The following SLC38A4 variants were observed in gnomAD, a reference collection of about 807,000 sequenced individuals.
The protein encoded by SLC38A4 is sodium-coupled neutral amino acid transporter 4.
SLC38A4 carries 20 observed loss-of-function variants against 63.1 expected under a neutral mutation model. That is an observed-to-expected ratio of 0.32 (90% CI 0.22 to 0.46). The LOEUF (loss-of-function observed/expected upper bound fraction) is 0.46, where lower values mean the gene tolerates loss of function less well. Ranked by LOEUF, SLC38A4 falls within the 20% of genes least tolerant of loss-of-function variation. The probability of loss-of-function intolerance (pLI) is 1.00; values close to 1 mark genes in which losing one functional copy is unlikely to be tolerated. For synonymous variants in SLC38A4, 230 were observed against 225.5 expected (o/e 1.02, Z -0.18); for missense variants, 526 against 663.6 (o/e 0.79, Z 2.28).
At chr12:46,818,624 C>G (rs1268783508) in intron 1 of SLC38A4, among the ~76,000 whole-genome samples, 1 of 151,908 alleles carries the variant, frequency 6.6e-6, no homozygotes, top group Non-Finnish European at 1.5e-5. Flanking sequence ...TATCCAATAT[C>G]AACTGTGGCC....
chr12:46,780,131 C>A (rs983623910), intron 7 of SLC38A4, 101 bp from the exon 8 acceptor site: 68 of 874,928 alleles, frequency 7.8e-5, no homozygotes, highest in Middle Eastern at 3.2e-4. Context: ...ATCTAATCCC[C>A]CAAATGGAAA....
chr12:46,804,818 G>C (rs1939199733), intron 1 of SLC38A4, among the ~76,000 whole-genome samples: 1 of 151,864 alleles, frequency 6.6e-6, no homozygotes, highest in Non-Finnish European at 1.5e-5. Context: ...GAGAAGTATT[G>C]TGGTCTAGGG....
At chr12:46,778,865 G>A in intron 10 of SLC38A4, 89 bp from the exon 11 acceptor site, 1 of 1,199,022 alleles carries the variant, frequency 8.3e-7, no homozygotes, top group Non-Finnish European at 1.2e-6. Flanking sequence ...TTATAGGGTG[G>A]GGGGTGAGGG....
chr12:46,779,877 C>A lies in SLC38A4; in HGVS notation c.576-15G>T, dbSNP rs761185479. 5.0e-6 allele frequency: 8 copies of A among 1,611,020 alleles called. No homozygotes were observed. The highest frequency in any genetic ancestry group is 5.9e-6 in the Non-Finnish European group (7 of 1,178,062). ...GGTACCATTCTCTAGAAGTGAGAGA[C>A]AAGGATATTAGAATCAGAAAAGACC... On this transcript the variant is annotated splice_polypyrimidine_tract_variant and intron_variant, in intron 8 of 16. Transcript: ENST00000266579.
chr12:46,776,804 C>T (rs1938534771), intron 13 of SLC38A4, 100 bp downstream of exon 13: 2 of 933,156 alleles, frequency 2.1e-6, no homozygotes, highest in East Asian at 2.4e-5. Flanking sequence ...ATCTATAGAG[C>T]ATGCTTATAG....
Position 46,769,201 on chromosome 12 carries a change from G to A in SLC38A4, c.1444+83C>T. Reference sequence around the variant, plus strand: ...GAGCCTGAGAAAGAACGGGGATCTGGATGACCCAGCACTGGTTCCCTGTCC... The same window carrying A: ...GAGCCTGAGAAAGAACGGGGATCTGAATGACCCAGCACTGGTTCCCTGTCC... On this transcript the variant is annotated intron_variant, in intron 15 of 16. Transcript: ENST00000266579. 5.5e-6 allele frequency: 8 copies of A among 1,465,770 alleles called. No individual in the cohort carries two copies. In the South Asian group the frequency reaches 8.5e-5, roughly 15 times the overall value. The allele number at this position is 1,465,770 out of a possible 1,614,324, so 90.8% of individuals were successfully genotyped here. A position where few individuals can be genotyped will look rare whatever the true frequency, so the allele number is the denominator to read the frequency against.
intron 6 of SLC38A4, 93 bp downstream of exon 6, chr12:46,785,011 G>T: frequency 1.9e-6 from 2 of 1,061,442 alleles, no homozygotes; most frequent in South Asian, 1.3e-5. Flanking sequence ...ATGTGAAACT[G>T]ACTATAATCA....
intron 13 of SLC38A4, among the ~76,000 whole-genome samples, chr12:46,776,536 A>G (rs917944073): frequency 1.1e-4 from 16 of 152,046 alleles, no homozygotes; most frequent in Non-Finnish European, 1.9e-4. Context: ...TTTGTGTGGC[A>G]GGTAATAATT....
At chr12:46,814,599 T>C (rs1437042131) in intron 1 of SLC38A4, among the ~76,000 whole-genome samples, 1 of 152,000 alleles carries the variant, frequency 6.6e-6, no homozygotes, top group Non-Finnish European at 1.5e-5. Context: ...TACCATTTGA[T>C]GTTGCTGAGC....
chr12:46,791,881 G>T (rs371930666), intron 3 of SLC38A4, among the ~76,000 whole-genome samples: 1 of 152,070 alleles, frequency 6.6e-6, no homozygotes, highest in African/African-American at 2.4e-5. Flanking sequence ...CACGGAGAAA[G>T]GGGGAGCAGG....
intron 14 of SLC38A4, among the ~76,000 whole-genome samples, 200 bp from the exon 15 acceptor site, chr12:46,769,628 A>G (rs1219405856): frequency 6.6e-6 from 1 of 152,080 alleles, no homozygotes; most frequent in African/African-American, 2.4e-5. Flanking sequence ...TTAAGTGTAC[A>G]GTTCAGTGGT....
At chr12:46,797,751 A>T (rs1395929648) in intron 2 of SLC38A4, among the ~76,000 whole-genome samples, 1 of 152,126 alleles carries the variant, frequency 6.6e-6, no homozygotes, top group Non-Finnish European at 1.5e-5. Flanking sequence ...TTCTCCTGGG[A>T]ACTCAAGTTC....
At chr12:46,822,122 T>C (rs983491815) in intron 1 of SLC38A4, among the ~76,000 whole-genome samples, 1 of 152,184 alleles carries the variant, frequency 6.6e-6, no homozygotes, top group Non-Finnish European at 1.5e-5. Context: ...TGTATGCATA[T>C]GAAATGTGCA....
intron 1 of SLC38A4, among the ~76,000 whole-genome samples, chr12:46,820,786 C>A (rs924777530): frequency 5.3e-5 from 8 of 151,894 alleles, no homozygotes; most frequent in Admixed American, 4.6e-4. Context: ...TAATTTATAT[C>A]CGCACCAACA....
intron 2 of SLC38A4, among the ~76,000 whole-genome samples, chr12:46,797,040 A>G (rs1303966946): frequency 6.6e-6 from 1 of 151,946 alleles, no homozygotes; most frequent in African/African-American, 2.4e-5. Flanking sequence ...TGACACCACT[A>G]TTGCTTTTCA....
At chr12:46,777,396 G>A (rs1938551362) in intron 12 of SLC38A4, among the ~76,000 whole-genome samples, 1 of 151,936 alleles carries the variant, frequency 6.6e-6, no homozygotes, top group Non-Finnish European at 1.5e-5. Context: ...AAGTACTACT[G>A]CCAGGAGTCC....
intron 10 of SLC38A4, 117 bp from the exon 11 acceptor site, chr12:46,778,893 C>T: frequency 1.1e-6 from 1 of 878,084 alleles, no homozygotes; most frequent in East Asian, 2.6e-5. Context: ...TTAGGGATTC[C>T]TTTTAGACTA....
intron 1 of SLC38A4, among the ~76,000 whole-genome samples, chr12:46,806,974 T>A (rs1272676604): frequency 6.6e-6 from 1 of 151,806 alleles, no homozygotes; most frequent in Non-Finnish European, 1.5e-5. Flanking sequence ...TCCAGCGGGA[T>A]CAAGTTAAAA....
At chr12:46,815,758 C>A (rs1463207510) in intron 1 of SLC38A4, among the ~76,000 whole-genome samples, 1 of 151,862 alleles carries the variant, frequency 6.6e-6, no homozygotes, top group Non-Finnish European at 1.5e-5. Context: ...AATCAGATGA[C>A]AAATTTAATT....
Sources: gnomAD v4.1 joint callset for allele counts (sites outside exome capture counted in the v4.1 genomes callset) on GRCh38, gnomAD v4.1.1 for gene constraint, MANE v1.5 for transcripts, NCBI Gene and HGNC (gene_info 2026-07-23, HGNC 2026-07-21) for gene names.